PDGFRA: variants seen among roughly 807,000 people sequenced by gnomAD.
The protein encoded by PDGFRA is platelet derived growth factor receptor alpha, also known as platelet-derived growth factor receptor alpha.
In PDGFRA, 25 loss-of-function variants were observed where a neutral mutation model predicts 121.5. The ratio of observed to expected loss-of-function variants is 0.21; its 90% CI spans 0.15 to 0.29. The LOEUF is 0.29. PDGFRA is among the 10% of genes least tolerant of loss of function. The pLI is 1.00. For synonymous variants in PDGFRA, 463 were observed against 494.8 expected (o/e 0.94, Z 0.85); for missense variants, 1,008 against 1,345.1 (o/e 0.75, Z 3.92).
chr4:54,232,521 G>C (rs1157684373), intron 1 of PDGFRA, among the ~76,000 whole-genome samples: 8 of 152,358 alleles, frequency 5.3e-5, no homozygotes, highest in Admixed American at 3.9e-4. Context: ...AGCGCGGGTG[G>C]GCGCGGACTC....
rs2110337979 is a variant in PDGFRA, at chr4:54,285,916, C to T, written c.2515C>T (p.Leu839=). ...AATTGTGAAGATCTGTGACTTTGGC[C>T]TGGCCAGAGACATCATGCATGATTC... ...GKIVKICDFG[L]ARDIMHDSNY... is the part of the protein sequence containing the mutation. The change falls in exon 18 of 23, where the codon CTG becomes TTG. Residue 839 remains leucine, a synonymous_variant. Coordinates refer to ENST00000257290, the MANE Select transcript of PDGFRA (RefSeq NM_006206.6). 1 of 1,614,100 alleles carries T rather than the reference C, an allele frequency of 6.2e-7. No homozygotes were observed. Among genetic ancestry groups the T allele is most frequent in the African/African-American group, 1.3e-5 (1 of 75,042 alleles).
Position 54,234,565 on chromosome 4 carries a change from T to C in PDGFRA, c.-13+5150T>C, listed in dbSNP as rs202122916. 9.2e-5 allele frequency among the ~76,000 whole-genome samples: 14 copies of C among 152,382 alleles called. No homozygotes were observed. The East Asian group carries it at 2.1e-3, about 23-fold the overall frequency. ...GACCGTAATAGGTGACTGATTTTCT[T>C]TTGCTGTGAGGCTACAAGAATTGCT... On this transcript the variant is annotated intron_variant, in intron 1 of 22. Coordinates refer to ENST00000257290, the MANE Select transcript of PDGFRA (RefSeq NM_006206.6).
At chr4:54,269,871 C>T (rs548227571) in intron 7 of PDGFRA, among the ~76,000 whole-genome samples, 22 of 151,158 alleles carry the variant, frequency 1.5e-4, no homozygotes, top group African/African-American at 4.6e-4. Flanking sequence ...AGGCTGGTCT[C>T]GAACTCCTGA....
intron 1 of PDGFRA, among the ~76,000 whole-genome samples, chr4:54,236,149 G>A (rs1720993845): frequency 6.6e-6 from 1 of 152,224 alleles, no homozygotes; most frequent in South Asian, 2.1e-4. Context: ...TTGGCATGAG[G>A]GAAGTAATTA....
chr4:54,294,600 C>G (rs184646744), intron 22 of PDGFRA, among the ~76,000 whole-genome samples: 3 of 151,916 alleles, frequency 2.0e-5, no homozygotes, highest in Non-Finnish European at 2.9e-5. Flanking sequence ...TTCTCTAGTA[C>G]GTAAGGAGCC....
intron 4 of PDGFRA, chr4:54,264,212 T>G (rs1722911591): frequency 3.9e-6 from 2 of 509,768 alleles, no homozygotes; most frequent in Non-Finnish European, 6.9e-6. Flanking sequence ...TTCATTCACA[T>G]TCCTGACTAT....
chr4:54,290,482 GCTA>G lies in PDGFRA; in HGVS notation c.3052_3054del (p.Tyr1018del). 1 of 1,613,752 alleles carries G rather than the reference GCTA, an allele frequency of 6.2e-7. No homozygotes were observed. Among genetic ancestry groups the G allele is most frequent in the Non-Finnish European group, 8.5e-7 (1 of 1,179,632 alleles). ...GAGCAGAGACTGAGCGCTGACAGTG[GCTA>G]CATCATTCCTCTGCCTGACATTGAC... On this transcript the variant is annotated inframe_deletion, in exon 22 of 23. Transcript: ENST00000257290.
intron 8 of PDGFRA, 29 bp from the exon 9 acceptor site, chr4:54,272,365 C>A: frequency 6.2e-7 from 1 of 1,613,178 alleles, no homozygotes; most frequent in South Asian, 1.1e-5. Flanking sequence ...ACGAGCTATT[C>A]CATTCTGACT....
chr4:54,286,960 G>A (rs974721085), intron 18 of PDGFRA, among the ~76,000 whole-genome samples: 1 of 152,140 alleles, frequency 6.6e-6, no homozygotes, highest in African/African-American at 2.4e-5. Flanking sequence ...CACTGGATGT[G>A]AGACAGCTTA....
Position 54,277,492 on chromosome 4 carries a change from C to T in PDGFRA, c.1891C>T (p.Pro631Ser), listed in dbSNP as rs199902153. Residue 631 changes from proline (P) to serine (S), a missense_variant and splice_region_variant, in exon 13 of 23, where the codon CCC (proline) becomes TCC (serine). By Grantham distance (74) the Pro-to-Ser change is moderately conservative. This residue lies in a region of PDGFRA where 61 missense variants were observed against 125.3 expected (regional missense o/e 0.49). Coordinates refer to ENST00000257290, the MANE Select transcript of PDGFRA (RefSeq NM_006206.6). ...VMKVAVKMLK[P>S]TARSSEKQAL... The stretch of plus-strand genomic sequence containing the variant: ...GAAAGTTGCAGTGAAGATGCTAAAA[C>T]GTAAGTGCTCCTTCCTGGGGATTTT... 161 of 1,596,400 alleles carry T rather than the reference C, an allele frequency of 1.0e-4. 3 individuals are homozygous for T. The South Asian group carries it at 1.5e-3, about 15-fold the overall frequency.
chr4:54,291,843 A>G (rs1416574197), intron 22 of PDGFRA, among the ~76,000 whole-genome samples: 1 of 60,474 alleles, frequency 1.7e-5, no homozygotes, highest in East Asian at 7.4e-4. Flanking sequence ...TCACTGCAGC[A>G]CTATTCACGA....
intron 4 of PDGFRA, chr4:54,264,248 C>G (rs1465754672): frequency 4.3e-6 from 2 of 468,248 alleles, no homozygotes; most frequent in African/African-American, 3.9e-5. Flanking sequence ...AAACATACAC[C>G]CAGGGGGTTA....
At chr4:54,271,513 A>G (rs901677366) in intron 8 of PDGFRA, among the ~76,000 whole-genome samples, 3 of 152,002 alleles carry the variant, frequency 2.0e-5, no homozygotes, top group Non-Finnish European at 4.4e-5. Flanking sequence ...CTTGCCTTTC[A>G]AGCCAAATAA....
chr4:54,287,863 T>C (rs530245985), intron 19 of PDGFRA, among the ~76,000 whole-genome samples: 1 of 152,150 alleles, frequency 6.6e-6, no homozygotes, highest in Admixed American at 6.5e-5. Context: ...CATTTTGGGC[T>C]TTGGGTCACA....
rs2110337396 is a variant in PDGFRA, at chr4:54,285,844, G to A, written c.2443G>A (p.Val815Ile). 2 of 1,614,040 alleles carry A rather than the reference G, an allele frequency of 1.2e-6. No individual in the cohort carries two copies. Among genetic ancestry groups the A allele is most frequent in the Non-Finnish European group, 1.7e-6 (2 of 1,179,974 alleles). Residue 815 changes from valine (V) to isoleucine (I), a missense_variant, in exon 18 of 23, where the codon GTC becomes ATC. Physicochemically the swap from Val to Ile is conservative, Grantham distance 29 (BLOSUM62 3). Around this residue, in one of 5 missense-constraint regions of PDGFRA, gnomAD observed 40 missense variants for 127.4 expected, o/e 0.31. Transcript: ENST00000257290. Reference protein sequence around the residue: ...GMEFLASKNCVHRDLAARNVL... With the variant: ...GMEFLASKNCIHRDLAARNVL... ...CATTTCTTCCTTTTCCATGCAGTGT[G>A]TCCACCGTGATCTGGCTGCTCGCAA...
chr4:54,248,353 G>T (rs1721821687), intron 1 of PDGFRA, among the ~76,000 whole-genome samples: 1 of 152,138 alleles, frequency 6.6e-6, no homozygotes, highest in Non-Finnish European at 1.5e-5. Flanking sequence ...GCATGGTACT[G>T]GTACCAAAAC....
intron 12 of PDGFRA, 108 bp downstream of exon 12, chr4:54,275,081 T>A: frequency 8.5e-7 from 1 of 1,183,158 alleles, no homozygotes; most frequent in Non-Finnish European, 1.2e-6. Context: ...TAGTAAGAAC[T>A]AGGCAATGGA....
chr4:54,244,104 T>G (rs1359221967), intron 1 of PDGFRA, among the ~76,000 whole-genome samples: 1 of 152,238 alleles, frequency 6.6e-6, no homozygotes, highest in African/African-American at 2.4e-5. Flanking sequence ...CAAGGAGGCC[T>G]GCCTGCCTCT....
intron 1 of PDGFRA, among the ~76,000 whole-genome samples, chr4:54,241,103 A>T (rs1721272334): frequency 6.6e-6 from 1 of 152,246 alleles, no homozygotes; most frequent in African/African-American, 2.4e-5. Flanking sequence ...CTAAAAATTC[A>T]TATATAACTC....
Sources: gnomAD v4.1 joint callset for allele counts (sites outside exome capture counted in the v4.1 genomes callset) on GRCh38, gnomAD v4.1.1 for gene constraint, gnomAD v4.1.1 regional missense constraint, MANE v1.5 for transcripts, NCBI Gene and HGNC (gene_info 2026-07-23, HGNC 2026-07-21) for gene names.